The following TMEFF2 variants were observed in gnomAD, a reference collection of about 807,000 sequenced individuals.
The protein encoded by TMEFF2 is tomoregulin-2.
TMEFF2 carries 28 observed loss-of-function variants against 53.8 expected under a neutral mutation model. That is an observed-to-expected ratio of 0.52 (90% CI 0.39 to 0.71). TMEFF2 has a LOEUF of 0.71. Among genes scored for constraint, TMEFF2 ranks in the 30% least tolerant of loss-of-function variants. The pLI is 0.00. For missense variants in TMEFF2, 353 were observed against 455.2 expected (o/e 0.78, Z 2.04); for synonymous variants, 162 against 166.3 (o/e 0.97, Z 0.20).
At chr2:192,182,046 G>T (rs1307147197) in intron 3 of TMEFF2, among the ~76,000 whole-genome samples, 1 of 151,712 alleles carries the variant, frequency 6.6e-6, no homozygotes, top group Non-Finnish European at 1.5e-5. Flanking sequence ...CCTAGTTAAT[G>T]CATTTCCTAC....
intron 4 of TMEFF2, among the ~76,000 whole-genome samples, chr2:192,163,061 A>T (rs1690673339): frequency 6.6e-6 from 1 of 152,220 alleles, no homozygotes; most frequent in Non-Finnish European, 1.5e-5. Context: ...CGGAGGCTGA[A>T]CAAAGTCTAT....
intron 2 of TMEFF2, among the ~76,000 whole-genome samples, chr2:192,190,097 A>G (rs1447595432): frequency 1.3e-5 from 2 of 152,218 alleles, no homozygotes; most frequent in Non-Finnish European, 2.9e-5. Flanking sequence ...TTTGTTGATA[A>G]AAGTTTTACC....
chr2:191,954,967 A>AT (rs1207670659), intron 8 of TMEFF2, among the ~76,000 whole-genome samples: 2 of 152,060 alleles, frequency 1.3e-5, no homozygotes, highest in African/African-American at 4.8e-5. Context: ...ATCCTGAGAA[A>AT]TTTTTTCTCT....
chr2:192,026,358 G>A (rs1686970382), intron 5 of TMEFF2, among the ~76,000 whole-genome samples: 1 of 152,168 alleles, frequency 6.6e-6, no homozygotes. Context: ...GCAGCTCACT[G>A]TGGGTACTTT....
At chr2:191,958,457 A>C (rs1682916207) in intron 7 of TMEFF2, among the ~76,000 whole-genome samples, 1 of 152,238 alleles carries the variant, frequency 6.6e-6, no homozygotes, top group South Asian at 2.1e-4. Context: ...AAAGAATGTC[A>C]AGAATTTTTT....
chr2:192,142,007 ATTTTCAGTGTGATAAAGAC>A (rs1242593998), intron 4 of TMEFF2, among the ~76,000 whole-genome samples: 28 of 152,048 alleles, frequency 1.8e-4, no homozygotes, highest in Admixed American at 1.8e-3. Flanking sequence ...TCACACTGTA[ATTTTCAGTGTGATAAAGAC>A]TTTACAGAAA....
intron 4 of TMEFF2, among the ~76,000 whole-genome samples, chr2:192,175,171 T>C (rs2106028370): frequency 6.6e-6 from 1 of 151,814 alleles, no homozygotes; most frequent in Non-Finnish European, 1.5e-5. Flanking sequence ...GTTATAGTAC[T>C]ACCTTCCTTC....
At chr2:192,173,902 G>A (rs1339261980) in intron 4 of TMEFF2, among the ~76,000 whole-genome samples, 3 of 151,768 alleles carry the variant, frequency 2.0e-5, no homozygotes, top group Admixed American at 1.3e-4. Flanking sequence ...TATTCTTATA[G>A]TATATGGGAA....
intron 4 of TMEFF2, among the ~76,000 whole-genome samples, chr2:192,118,869 T>A (rs975477685): frequency 2.6e-5 from 4 of 152,194 alleles, no homozygotes; most frequent in Admixed American, 1.3e-4. Context: ...TTCACATACA[T>A]ATTTTAAATA....
intron 7 of TMEFF2, among the ~76,000 whole-genome samples, chr2:191,965,747 C>T (rs1300884540): frequency 6.6e-6 from 1 of 152,156 alleles, no homozygotes; most frequent in East Asian, 1.9e-4. Flanking sequence ...TGCTCACTTT[C>T]CTTCCTTTTC....
chr2:192,102,251 T>C (rs1689047033), intron 4 of TMEFF2, among the ~76,000 whole-genome samples: 1 of 152,192 alleles, frequency 6.6e-6, no homozygotes, highest in Non-Finnish European at 1.5e-5. Context: ...AGCTAACCAT[T>C]TTGCAGTGGT....
intron 4 of TMEFF2, among the ~76,000 whole-genome samples, chr2:192,084,123 G>A (rs534442474): frequency 2.6e-5 from 4 of 152,214 alleles, no homozygotes; most frequent in South Asian, 2.1e-4. Flanking sequence ...ACAACTCATC[G>A]TGGTAGAGAT....
Position 192,108,320 on chromosome 2 carries a change from T to G in TMEFF2, c.440-50545A>C, listed in dbSNP as rs141317879. Among the ~76,000 whole-genome samples, 737 of 151,966 alleles carry G rather than the reference T, an allele frequency of 4.8e-3. 8 individuals are homozygous for G. Among genetic ancestry groups the G allele is most frequent in the African/African-American group, 0.017 (709 of 41,548 alleles). On this transcript the variant is annotated intron_variant, in intron 4 of 9. Coordinates refer to ENST00000272771, the MANE Select transcript of TMEFF2 (RefSeq NM_016192.4). ...CAACAACTTGAATTGGATGCAATAT[T>G]CATATGGATTATTAGTGTAATCCAC...
At chr2:191,965,337 A>G (rs1692439028) in intron 7 of TMEFF2, among the ~76,000 whole-genome samples, 1 of 152,142 alleles carries the variant, frequency 6.6e-6, no homozygotes, top group Non-Finnish European at 1.5e-5. Context: ...TGAGTAAATC[A>G]CCAAGATTTC....
chr2:192,193,802 A>AGG (rs1691531609), intron 1 of TMEFF2, among the ~76,000 whole-genome samples: 1 of 147,300 alleles, frequency 6.8e-6, no homozygotes, highest in African/African-American at 2.5e-5. Context: ...AGAGAGAGAG[A>AGG]GAGAGAAATT....
intron 5 of TMEFF2, among the ~76,000 whole-genome samples, chr2:192,041,778 T>C (rs778527797): frequency 1.3e-5 from 2 of 152,212 alleles, no homozygotes; most frequent in Non-Finnish European, 2.9e-5. Flanking sequence ...ATACTTTTCA[T>C]GCTAGGGAAG....
intron 7 of TMEFF2, among the ~76,000 whole-genome samples, chr2:191,959,501 A>G (rs1396683096): frequency 6.6e-6 from 1 of 152,196 alleles, no homozygotes; most frequent in Admixed American, 6.6e-5. Flanking sequence ...AAAGCTAAAG[A>G]GACAGAGAAT....
intron 5 of TMEFF2, chr2:192,037,972 T>G (rs1056175182): frequency 1.3e-5 from 2 of 152,188 alleles, no homozygotes; most frequent in Non-Finnish European, 2.9e-5. Flanking sequence ...GTTACCCACC[T>G]CTCTGAACCT....
At chr2:192,174,647 G>T (rs1353690403) in intron 4 of TMEFF2, among the ~76,000 whole-genome samples, 1 of 151,750 alleles carries the variant, frequency 6.6e-6, no homozygotes, top group South Asian at 2.1e-4. Context: ...AGAGCAAAAA[G>T]AGGATAGTTT....
Sources: allele counts gnomAD v4.1 joint callset (sites outside exome capture counted in the v4.1 genomes callset), GRCh38; gene constraint gnomAD v4.1.1; transcripts MANE v1.5; gene names NCBI Gene and HGNC (gene_info 2026-07-23, HGNC 2026-07-21).